FCN2: variants seen among roughly 807,000 people sequenced by gnomAD.
The protein encoded by FCN2 is ficolin-2.
Under a neutral mutation model 32.5 loss-of-function variants are expected in FCN2, and 31 were observed. The ratio of observed to expected loss-of-function variants is 0.96; its 90% confidence interval spans 0.72 to 1.29. The LOEUF (loss-of-function observed/expected upper bound fraction) is 1.29. Ranked by LOEUF, FCN2 falls within the 50% of genes most tolerant of loss-of-function variation. FCN2 has a pLI of 0.00. For synonymous variants in FCN2, 181 were observed against 164.5 expected (o/e 1.10, Z -0.77); for missense variants, 412 against 406.5 (o/e 1.01, Z -0.12).
rs1421803694 is a variant in FCN2, at chr9:134,885,195, C to G, written c.302-44C>G. 4 of 1,613,178 alleles carry G rather than the reference C, an allele frequency of 2.5e-6. No individual in the cohort carries two copies. In the Admixed American group the frequency reaches 6.7e-5, roughly 27 times the overall value. On this transcript the variant is annotated intron_variant, in intron 4 of 7. Transcript: ENST00000291744. ...CTCCCTCCTACTGCCTGTGCCCTGCCCAGGGCTCCTGTCCTGCAGCCATTC... is the reference window on the plus strand; with the variant it reads ...CTCCCTCCTACTGCCTGTGCCCTGCGCAGGGCTCCTGTCCTGCAGCCATTC...
At chr9:134,877,832 G>C (rs907753124), upstream of FCN2, among the ~76,000 whole-genome samples, 2 of 152,176 alleles carry the variant, frequency 1.3e-5, no homozygotes, top group Admixed American at 1.3e-4. Context: ...TTCTGGAAGG[G>C]GGATGTGATG....
chr9:134,870,850 G>A, the FCN2 span, among the ~76,000 whole-genome samples: 2 of 152,136 alleles, frequency 1.3e-5, no homozygotes, highest in East Asian at 1.9e-4. The surrounding 1 kb of genome is among the most constrained non-coding windows in gnomAD (Gnocchi z 4.3). Flanking sequence ...AAGGCAGCTT[G>A]TGCACTCAGA....
the FCN2 span, among the ~76,000 whole-genome samples, chr9:134,873,380 T>C: frequency 6.6e-6 from 1 of 152,352 alleles, no homozygotes; most frequent in South Asian, 2.1e-4. Flanking sequence ...TTCCAGCTTT[T>C]AGAGGCTGCT....
chr9:134,865,858 A>G, the FCN2 span, among the ~76,000 whole-genome samples: 8 of 152,182 alleles, frequency 5.3e-5, no homozygotes, highest in Non-Finnish European at 8.8e-5. Flanking sequence ...ACAAACAGAG[A>G]GCCAAATCAT....
rs1830770664 is a variant in FCN2 at position 134,887,178 on chromosome 9, GAC to G, written c.706_707del (p.Thr236ValfsTer15). On this transcript the variant is annotated frameshift_variant, in exon 8 of 8. Coordinates refer to ENST00000291744, the MANE Select transcript of FCN2 (RefSeq NM_004108.3). LOFTEE classifies it low-confidence loss of function (END_TRUNC). ...TTTCCTCCTGCACAGGAGATTCCCT[GAC>G]GTTCCACAACAACCAGTCCTTCTCC... ...FVEGSAGDSL[T>X]FHNNQSFSTK... The G allele has an allele frequency of 6.2e-7, 1 of 1,614,100 alleles. No individual in the cohort carries two copies. The highest frequency in any genetic ancestry group is 8.5e-7 in the Non-Finnish European group (1 of 1,180,012).
rs555805443 is a variant in FCN2 at position 134,883,087 on chromosome 9, C to T, written c.215-215C>T. Among the ~76,000 whole-genome samples the T allele has an allele frequency of 1.1e-4, 16 of 152,342 alleles. No homozygotes were observed. The Middle Eastern group carries it at 0.01, about 97-fold the overall frequency. Reference sequence around the variant, plus strand: ...CCATGGTCTCTGGATTTCCAGCTCCCGGCCCCTGAGTGAACAGGAGAGCCC... The same window carrying T: ...CCATGGTCTCTGGATTTCCAGCTCCTGGCCCCTGAGTGAACAGGAGAGCCC... On this transcript the variant is annotated intron_variant, in intron 2 of 7. Coordinates refer to ENST00000291744, the MANE Select transcript of FCN2 (RefSeq NM_004108.3).
chr9:134,882,677 C>A (rs1282571792), intron 2 of FCN2, 38 bp downstream of exon 2: 7 of 1,418,386 alleles, frequency 4.9e-6, no homozygotes, highest in Non-Finnish European at 7.0e-6. Flanking sequence ...GGCTCTTGCT[C>A]TTTTTGAAAC....
At chr9:134,867,384 A>G in the FCN2 span, among the ~76,000 whole-genome samples, 15 of 151,182 alleles carry the variant, frequency 9.9e-5, no homozygotes, top group East Asian at 1.2e-3. Context: ...GTAAACTATC[A>G]CAAGAACAAA....
chr9:134,872,998 G>A, the FCN2 span, among the ~76,000 whole-genome samples: 11 of 152,112 alleles, frequency 7.2e-5, no homozygotes, highest in East Asian at 7.7e-4. Flanking sequence ...GTCTCATCAC[G>A]TTTTGTTCCC....
chr9:134,883,466 C>T (rs138572755), intron 3 of FCN2, 111 bp downstream of exon 3: 17,644 of 979,760 alleles, frequency 0.018, 198 homozygotes, highest in Non-Finnish European at 0.024. Flanking sequence ...CCAGAGCCAA[C>T]GCCTGCCCAG....
Position 134,886,445 on chromosome 9 carries a change from G to A in FCN2, c.575G>A (p.Arg192His), listed in dbSNP as rs201293586. 4.3e-5 allele frequency: 69 copies of A among 1,614,152 alleles called. No individual in the cohort carries two copies. In the Admixed American group the frequency reaches 6.0e-4, roughly 14 times the overall value. The change falls in exon 7 of 8, where the codon CGT becomes CAT. Residue 192 changes from arginine (R) to histidine (H), a missense_variant. Physicochemically the swap from Arg to His is conservative, Grantham distance 29 (BLOSUM62 0). Coordinates refer to ENST00000291744, the MANE Select transcript of FCN2 (RefSeq NM_004108.3). ...ALTAQGTSEL[R>H]VDLVDFEDNY... The stretch of plus-strand genomic sequence containing the variant: ...TCTCTAACAGGAACCAGCGAGCTCC[G>A]TGTAGACCTGGTGGACTTTGAGGAC...
chr9:134,883,979 T>TC (rs1554731617), intron 3 of FCN2, among the ~76,000 whole-genome samples: 3 of 112,008 alleles, frequency 2.7e-5, no homozygotes, highest in East Asian at 2.7e-4. Context: ...CTTGAGAGGG[T>TC]GGGGGGGGAT....
rs61736807 is a variant in FCN2 at position 134,880,832 on chromosome 9, A to T, written c.11A>T (p.Asp4Val). 1,502 of 1,613,524 alleles carry T rather than the reference A, an allele frequency of 9.3e-4. 10 individuals carry two copies. In the African/African-American group the frequency reaches 0.019, roughly 20 times the overall value. Reference protein sequence around the residue: MELDRAVGVLGAAT... With the variant: MELVRAVGVLGAAT... Reference sequence around the variant, plus strand: ...CAAAGACCAGAAGAGATGGAGCTGGACAGAGCTGTGGGGGTCCTGGGCGCT... The same window carrying T: ...CAAAGACCAGAAGAGATGGAGCTGGTCAGAGCTGTGGGGGTCCTGGGCGCT... Residue 4 changes from aspartate (D) to valine (V), a missense_variant, in exon 1 of 8, where the codon GAC (aspartate) becomes GTC (valine). Transcript: ENST00000291744.
rs746460976 is a variant in FCN2 at position 134,886,545 on chromosome 9, C to T, written c.675C>T (p.Ala225=). ...EAEKYNLVLG[A]FVEGSAGDSL... is the part of the protein sequence containing the mutation. ...AGAAGTACAATCTGGTCCTGGGGGC[C>T]TTCGTGGAGGGCAGTGCGGGTGAGT... The change falls in exon 7 of 8, where the codon GCC becomes GCT. Residue 225 remains alanine, a synonymous_variant. Transcript: ENST00000291744. 2.5e-5 allele frequency: 40 copies of T among 1,613,970 alleles called. No individual in the cohort carries two copies. The highest frequency in any genetic ancestry group is 5.0e-5 in the Admixed American group (3 of 59,982).
chr9:134,887,291 C>G lies in FCN2; in HGVS notation c.818C>G (p.Ser273Ter), dbSNP rs750152595. Residue 273 changes from serine to a stop codon, truncating the protein, a stop_gained, in exon 8 of 8, where the codon TCA becomes TGA. Coordinates refer to ENST00000291744, the MANE Select transcript of FCN2 (RefSeq NM_004108.3). LOFTEE classifies it low-confidence loss of function (END_TRUNC). ...TGGTGGTACAAAAACTGCCATGTGT[C>G]AAACCTGAATGGTCGCTACCTCAGG... ...GAWWYKNCHVSNLNGRYLRGT... is the reference protein window; with the variant it reads ...GAWWYKNCHV 6.2e-7 allele frequency: 1 copy of G among 1,614,188 alleles called. No homozygotes were observed. Among genetic ancestry groups the G allele is most frequent in the South Asian group, 1.1e-5 (1 of 91,074 alleles).
chr9:134,878,720 G>A (rs111805928), upstream of FCN2, among the ~76,000 whole-genome samples: 3,943 of 152,240 alleles, frequency 0.026, 73 homozygotes, highest in Non-Finnish European at 0.039. Flanking sequence ...GTGCCTGCCT[G>A]TAATTCCAGC....
upstream of FCN2, among the ~76,000 whole-genome samples, chr9:134,878,515 C>T (rs181040175): frequency 2.6e-4 from 39 of 152,270 alleles, no homozygotes; most frequent in Non-Finnish European, 4.3e-4. Flanking sequence ...CTTTCTAAAA[C>T]GAATTCAAAT....
At chr9:134,865,048 G>C in the FCN2 span, among the ~76,000 whole-genome samples, 1 of 152,244 alleles carries the variant, frequency 6.6e-6, no homozygotes, top group Non-Finnish European at 1.5e-5. Context: ...CCTAGTCAGA[G>C]CCTGTGCCAC....
At chr9:134,871,333 T>C in the FCN2 span, among the ~76,000 whole-genome samples, 1 of 152,186 alleles carries the variant, frequency 6.6e-6, no homozygotes, top group Non-Finnish European at 1.5e-5. Context: ...TGGGGGCCAC[T>C]GTTTGGGCTG....
Sources: allele counts gnomAD v4.1 joint callset (sites outside exome capture counted in the v4.1 genomes callset), GRCh38; gene constraint gnomAD v4.1.1; non-coding constraint Gnocchi (gnomAD v3.1); transcripts MANE v1.5; gene names NCBI Gene and HGNC (gene_info 2026-07-23, HGNC 2026-07-21).